The following CELF2 variants were observed in gnomAD, a reference collection of about 807,000 sequenced individuals.
The protein encoded by CELF2 is CUGBP Elav-like family member 2, also known as CUG triplet repeat RNA-binding protein 2.
A neutral mutation model predicts 62.6 loss-of-function variants in CELF2; 8 were observed. The observed-to-expected ratio is 0.13, with a 90% CI of 0.07 to 0.23. CELF2 has a LOEUF of 0.23. Ranked by LOEUF, CELF2 falls within the 10% of genes least tolerant of loss-of-function variation. The pLI is 1.00. For missense variants in CELF2, 333 were observed against 671.0 expected (o/e 0.50, Z 5.56); for synonymous variants, 258 against 250.0 (o/e 1.03, Z -0.30).
At chr10:10,908,402 AGT>A (rs1322645513) in intron 1 of CELF2, among the ~76,000 whole-genome samples, 2 of 151,386 alleles carry the variant, frequency 1.3e-5, no homozygotes, top group African/African-American at 2.4e-5. Context: ...TTGTATTTTT[AGT>A]AGAGACGGGG....
chr10:10,886,199 T>C (rs919049920), intron 1 of CELF2, among the ~76,000 whole-genome samples: 2 of 152,178 alleles, frequency 1.3e-5, no homozygotes, highest in African/African-American at 4.8e-5. Flanking sequence ...TAGGTATTTA[T>C]TGAGTCTGTG....
chr10:10,964,564 T>G (rs2136047583), intron 2 of CELF2, among the ~76,000 whole-genome samples: 1 of 152,382 alleles, frequency 6.6e-6, no homozygotes, highest in South Asian at 2.1e-4. Context: ...AAAGGGATTT[T>G]ATTTTATGTC....
chr10:10,475,905 T>C, the CELF2 span, among the ~76,000 whole-genome samples: 14 of 152,120 alleles, frequency 9.2e-5, no homozygotes, highest in Non-Finnish European at 1.6e-4. Flanking sequence ...TGTTTAGCTC[T>C]TTCTTTTGTA....
chr10:10,899,158 T>G (rs2062761436), intron 1 of CELF2, among the ~76,000 whole-genome samples: 1 of 152,116 alleles, frequency 6.6e-6, no homozygotes, highest in South Asian at 2.1e-4. Context: ...TACTTCAGCT[T>G]CCACATTAAG....
the CELF2 span, among the ~76,000 whole-genome samples, chr10:10,634,786 C>T: frequency 7.2e-5 from 11 of 151,984 alleles, no homozygotes; most frequent in South Asian, 2.1e-4. Context: ...CTCAGCCTCC[C>T]GAGTAGCTGG....
At chr10:10,471,807 C>T in the CELF2 span, among the ~76,000 whole-genome samples, 2 of 151,704 alleles carry the variant, frequency 1.3e-5, no homozygotes, top group African/African-American at 2.4e-5. Context: ...AATTTTCTCA[C>T]TTTATATTTA....
chr10:11,015,724 C>T (rs967742173), upstream of CELF2, among the ~76,000 whole-genome samples: 1 of 152,198 alleles, frequency 6.6e-6, no homozygotes, highest in Non-Finnish European at 1.5e-5. This position sits in a 1 kb window ranked among gnomAD's most constrained non-coding sequence, Gnocchi z 4.8. Flanking sequence ...CTACTTCACC[C>T]TCCTCATAGT....
At chr10:10,767,991 G>A in the CELF2 span, among the ~76,000 whole-genome samples, 5 of 59,508 alleles carry the variant, frequency 8.4e-5, no homozygotes, top group South Asian at 6.4e-4. Flanking sequence ...GCGAGACTCC[G>A]TCTCAAAAAA....
At chr10:11,149,750 TG>T (rs1035233957) in intron 1 of CELF2, among the ~76,000 whole-genome samples, 1 of 152,182 alleles carries the variant, frequency 6.6e-6, no homozygotes, top group African/African-American at 2.4e-5. Flanking sequence ...ACGAAACCTC[TG>T]AATGGAAGCC....
intron 2 of CELF2, among the ~76,000 whole-genome samples, chr10:11,186,296 C>CTTTTTTTTTTTTTTTTTTTT (rs57327671): frequency 2.6e-5 from 3 of 115,504 alleles, no homozygotes; most frequent in Non-Finnish European, 5.4e-5. Context: ...GGTTTTGTTG[C>CTTTTTTTTTTTTTTTTTTTT]TTTTTTTTTT....
intron 2 of CELF2, among the ~76,000 whole-genome samples, chr10:10,932,944 G>C (rs1315943780): frequency 6.6e-6 from 1 of 152,144 alleles, no homozygotes; most frequent in African/African-American, 2.4e-5. Context: ...AATTAGAAAA[G>C]TAGATAGAAG....
At chr10:10,905,668 G>C (rs2063278292) in intron 1 of CELF2, among the ~76,000 whole-genome samples, 1 of 151,922 alleles carries the variant, frequency 6.6e-6, no homozygotes, top group Non-Finnish European at 1.5e-5. Context: ...CACGAGGTCA[G>C]AGATCGAGAC....
intron 4 of CELF2, among the ~76,000 whole-genome samples, chr10:11,257,236 CTG>C (rs113474983): frequency 3.4e-5 from 5 of 149,084 alleles, no homozygotes; most frequent in South Asian, 4.3e-4. Flanking sequence ...CTCGAATACT[CTG>C]TGAAAAGTTT....
At chr10:10,837,739 A>T (rs1166759344) in intron 1 of CELF2, among the ~76,000 whole-genome samples, 2 of 152,178 alleles carry the variant, frequency 1.3e-5, no homozygotes, top group African/African-American at 2.4e-5. Context: ...ACACCTCCCT[A>T]TATGCCATCC....
chr10:10,905,499 T>C (rs2063258904), intron 1 of CELF2, among the ~76,000 whole-genome samples: 1 of 151,506 alleles, frequency 6.6e-6, no homozygotes. Flanking sequence ...ATCCCAGCAC[T>C]TAGGGAGGCC....
At position 11,201,757 on chromosome 10, in the gene CELF2, C is replaced by G. The variant is rs958060666; in HGVS notation, c.272-15668C>G. Among the ~76,000 whole-genome samples, 6 of 152,218 alleles carry G rather than the reference C, an allele frequency of 3.9e-5. 1 individual carries two copies. The highest frequency in any genetic ancestry group is 3.9e-4 in the Admixed American group (6 of 15,284). On this transcript the variant is annotated intron_variant, in intron 2 of 12. Transcript: ENST00000633077. ...GCCCTATAGATGACCAGGCCTTTCG[C>G]CTGGAAAGCCTGAGCTGAGGGGCAT...
At chr10:10,502,310 TG>T in the CELF2 span, among the ~76,000 whole-genome samples, 1 of 152,038 alleles carries the variant, frequency 6.6e-6, no homozygotes, top group Non-Finnish European at 1.5e-5. Context: ...TTCTGCTTTT[TG>T]GAAGAGATTG....
chr10:10,573,141 A>T, the CELF2 span, among the ~76,000 whole-genome samples: 1 of 152,170 alleles, frequency 6.6e-6, no homozygotes, highest in African/African-American at 2.4e-5. Context: ...TGTTGGCTGC[A>T]TGAATGTCTT....
In CELF2 at chr10:11,177,434, A is replaced by G. The variant is rs79420448; in HGVS notation, c.271+11752A>G. ...GCATGTGTGAATTAAAAAAAAAAAAAAGAGAAAATTAGGTTATTAAAAGGA... is the reference window on the plus strand; with the variant it reads ...GCATGTGTGAATTAAAAAAAAAAAAGAGAGAAAATTAGGTTATTAAAAGGA... On this transcript the variant is annotated intron_variant, in intron 2 of 12. Transcript: ENST00000633077. This position sits in a 1 kb window ranked among gnomAD's most constrained non-coding sequence, Gnocchi z 4.8. 0.039 allele frequency among the ~76,000 whole-genome samples: 5,885 copies of G among 151,894 alleles called. 364 individuals are homozygous for G. The highest frequency in any genetic ancestry group is 0.13 in the African/African-American group (5,477 of 41,400).
Sources: gnomAD v4.1 joint callset for allele counts (sites outside exome capture counted in the v4.1 genomes callset) on GRCh38, gnomAD v4.1.1 for gene constraint, Gnocchi (gnomAD v3.1) non-coding constraint, MANE v1.5 for transcripts, NCBI Gene and HGNC (gene_info 2026-07-23, HGNC 2026-07-21) for gene names.